Variants in ZNF423 observed in about 807,000 individuals in gnomAD.
ZNF423 encodes the protein Ebf-associated zinc finger protein.
Under a neutral mutation model 95.8 loss-of-function variants are expected in ZNF423, and 12 were observed. The ratio of observed to expected loss-of-function variants is 0.13; its 90% confidence interval spans 0.08 to 0.20. The LOEUF is 0.20. Ranked by LOEUF, ZNF423 falls within the 10% of genes least tolerant of loss-of-function variation. ZNF423 has a pLI of 1.00. For synonymous variants in ZNF423, 749 were observed against 711.9 expected, an observed-to-expected ratio of 1.05 and a Z score of -0.83; for missense variants, 1,316 against 1,737.1, an observed-to-expected ratio of 0.76 and a Z score of 4.31.
chr16:49,523,122 C>T (rs1968464904), intron 7 of ZNF423, among the ~76,000 whole-genome samples: 2 of 152,168 alleles, frequency 1.3e-5, no homozygotes, highest in Non-Finnish European at 2.9e-5. Flanking sequence ...CTGAGGGCCA[C>T]ATCAGTCTCA....
chr16:49,593,865 C>G (rs541319428), intron 5 of ZNF423, among the ~76,000 whole-genome samples: 2 of 152,254 alleles, frequency 1.3e-5, no homozygotes, highest in South Asian at 4.2e-4. Flanking sequence ...AAGAGAAGAC[C>G]AAGAACTCTG....
rs368051166 is a variant in ZNF423, at chr16:49,622,221, T to G, written c.3601+3949A>C. On this transcript the variant is annotated intron_variant, in intron 5 of 7. Transcript: ENST00000563137. Reference sequence around the variant, plus strand: ...AAGCCCTTGCTGCCACCTCTTGTGGTTTTTCAAGAGAAGCCTAGTAAACCA... The same window carrying G: ...AAGCCCTTGCTGCCACCTCTTGTGGGTTTTCAAGAGAAGCCTAGTAAACCA... 5.2e-4 allele frequency among the ~76,000 whole-genome samples: 79 copies of G among 152,030 alleles called. 2 individuals carry two copies. In the South Asian group the frequency reaches 0.015, roughly 30 times the overall value.
intron 1 of ZNF423, among the ~76,000 whole-genome samples, chr16:49,815,370 C>G (rs2034820898): frequency 1.3e-5 from 2 of 152,236 alleles, no homozygotes; most frequent in South Asian, 4.1e-4. Context: ...CCCTAACTTT[C>G]CATGAGAAAT....
chr16:49,502,913 TACAC>T lies in ZNF423; in HGVS notation c.3850-11613_3850-11610del, dbSNP rs55819934. ...GTCCCCACAATCCCATGTGCACGCA[TACAC>T]ACACACACACACACACACACACACA... On this transcript the variant is annotated intron_variant, in intron 7 of 7. Transcript: ENST00000563137. Among the ~76,000 whole-genome samples the T allele has an allele frequency of 4.7e-3, 583 of 122,844 alleles. 9 individuals are homozygous for T. The East Asian group carries it at 0.061, about 13-fold the overall frequency. 80.6% of individuals were successfully genotyped at this position (122,844 alleles called of 152,430 possible). A position where few individuals can be genotyped will look rare whatever the true frequency, so the allele number is the denominator to read the frequency against.
At chr16:49,805,654 G>C (rs1012404600) in intron 1 of ZNF423, among the ~76,000 whole-genome samples, 5 of 152,236 alleles carry the variant, frequency 3.3e-5, no homozygotes, top group African/African-American at 1.2e-4. Context: ...GAACCCTCCA[G>C]TGACCAGTCT....
At chr16:49,793,931 A>C (rs1201473394) in intron 1 of ZNF423, among the ~76,000 whole-genome samples, 1 of 152,200 alleles carries the variant, frequency 6.6e-6, no homozygotes, top group South Asian at 2.1e-4. Flanking sequence ...GGGTCCCAGC[A>C]GTGGGGTTCT....
chr16:49,749,253 C>T (rs1195509311), intron 2 of ZNF423, among the ~76,000 whole-genome samples: 6 of 152,256 alleles, frequency 3.9e-5, no homozygotes, highest in Admixed American at 2.6e-4. Context: ...CCACAAGAAA[C>T]GCCCATGCCG....
At chr16:49,747,131 C>T (rs1446440715) in intron 2 of ZNF423, among the ~76,000 whole-genome samples, 1 of 152,130 alleles carries the variant, frequency 6.6e-6, no homozygotes, top group Non-Finnish European at 1.5e-5. Flanking sequence ...TTGTGAAAGT[C>T]CGCCGTGAGA....
intron 3 of ZNF423, among the ~76,000 whole-genome samples, chr16:49,712,381 GA>G (rs2032571869): frequency 6.6e-6 from 1 of 150,640 alleles, no homozygotes; most frequent in African/African-American, 2.5e-5. Flanking sequence ...GGAATGTCCA[GA>G]GGGGAAAGTG....
intron 5 of ZNF423, among the ~76,000 whole-genome samples, chr16:49,552,221 C>G (rs1407490622): frequency 6.6e-6 from 1 of 152,220 alleles, no homozygotes; most frequent in African/African-American, 2.4e-5. Flanking sequence ...GACCCTTGAA[C>G]TAGGAGACCA....
intron 3 of ZNF423, chr16:49,711,542 G>GT (rs2032544258): frequency 6.6e-6 from 1 of 152,122 alleles, no homozygotes; most frequent in African/African-American, 2.4e-5. Flanking sequence ...TTCACTGAAC[G>GT]TAAGACACCG....
chr16:49,551,394 C>T (rs769473427), intron 5 of ZNF423, among the ~76,000 whole-genome samples: 3 of 152,208 alleles, frequency 2.0e-5, no homozygotes, highest in Non-Finnish European at 4.4e-5. Flanking sequence ...TCCCAAAATA[C>T]ACACACATCA....
intron 5 of ZNF423, among the ~76,000 whole-genome samples, chr16:49,562,824 G>A (rs1970061587): frequency 6.6e-6 from 1 of 152,012 alleles, no homozygotes; most frequent in Admixed American, 6.6e-5. Flanking sequence ...CTGTCGTCAG[G>A]CTGGAGTGCA....
intron 3 of ZNF423, among the ~76,000 whole-genome samples, chr16:49,670,654 C>A (rs2030764015): frequency 6.6e-6 from 1 of 152,088 alleles, no homozygotes; most frequent in African/African-American, 2.4e-5. Flanking sequence ...GTTGGGGACT[C>A]AGTTTCCCCA....
chr16:49,714,380 G>T (rs905693368), intron 3 of ZNF423, among the ~76,000 whole-genome samples: 3 of 152,200 alleles, frequency 2.0e-5, no homozygotes, highest in Admixed American at 6.5e-5. Context: ...GATGGGGCCA[G>T]GTGCGGTGGC....
intron 1 of ZNF423, among the ~76,000 whole-genome samples, chr16:49,831,659 CACCCAG>C (rs2035062272): frequency 6.6e-6 from 1 of 152,164 alleles, no homozygotes; most frequent in African/African-American, 2.4e-5. Context: ...ACACTTGGGA[CACCCAG>C]ACTACAGGGA....
chr16:49,662,366 G>A (rs561049670), intron 3 of ZNF423, among the ~76,000 whole-genome samples: 3 of 152,136 alleles, frequency 2.0e-5, no homozygotes, highest in Non-Finnish European at 4.4e-5. Context: ...CTCCTCTCAG[G>A]GACAGGAATA....
At chr16:49,773,995 G>A (rs938026043) in intron 2 of ZNF423, among the ~76,000 whole-genome samples, 8 of 152,160 alleles carry the variant, frequency 5.3e-5, no homozygotes, top group South Asian at 2.1e-4. Context: ...AGACATGCAC[G>A]AGCTCAAGGG....
intron 3 of ZNF423, among the ~76,000 whole-genome samples, chr16:49,694,755 C>T (rs1468536228): frequency 2.0e-5 from 3 of 152,206 alleles, no homozygotes; most frequent in African/African-American, 7.2e-5. Flanking sequence ...CCAGGGCAGG[C>T]ACCGCCAGCC....
Sources: gnomAD v4.1 joint callset for allele counts (sites outside exome capture counted in the v4.1 genomes callset) on GRCh38, gnomAD v4.1.1 for gene constraint, MANE v1.5 for transcripts, NCBI Gene and HGNC (gene_info 2026-07-23, HGNC 2026-07-21) for gene names.